The following ASH2L variants were observed in gnomAD, a reference collection of about 807,000 sequenced individuals.
ASH2L encodes the protein set1/Ash2 histone methyltransferase complex subunit ASH2.
In ASH2L, 30 loss-of-function variants were observed where a neutral mutation model predicts 81.1. That is an observed-to-expected ratio of 0.37 (90% CI 0.28 to 0.50). The LOEUF (loss-of-function observed/expected upper bound fraction) is 0.50. Ranked by LOEUF, ASH2L falls within the 20% of genes least tolerant of loss-of-function variation. ASH2L has a pLI of 0.95. For missense variants in ASH2L, 559 were observed against 792.1 expected (o/e 0.71, Z 3.53); for synonymous variants, 273 against 279.9 (o/e 0.98, Z 0.24).
intron 1 of ASH2L, chr8:38,106,126 C>T (rs1397645158): frequency 1.3e-6 from 2 of 1,528,066 alleles, no homozygotes; most frequent in Non-Finnish European, 1.8e-6. Context: ...CTCCCAGGAC[C>T]AACTCTAACC....
Position 38,110,886 on chromosome 8 carries a change from T to A in ASH2L, c.585+53T>A, listed in dbSNP as rs866298083. ...TTATATTGAAGAGTTAGGTGGAACT[T>A]CTAAATATACTCCCTAACAAGTACT... On this transcript the variant is annotated intron_variant, in intron 5 of 15. Coordinates refer to ENST00000343823, the MANE Select transcript of ASH2L (RefSeq NM_004674.5). 10 of 1,406,482 alleles carry A rather than the reference T, an allele frequency of 7.1e-6. 2 individuals are homozygous for A. In the Middle Eastern group the frequency reaches 1.8e-3, roughly 246 times the overall value. 87.1% of individuals were successfully genotyped at this position (1,406,482 alleles called of 1,614,324 possible).
chr8:38,135,875 G>T, intron 14 of ASH2L, 109 bp downstream of exon 14: 1 of 736,086 alleles, frequency 1.4e-6, no homozygotes, highest in Non-Finnish European at 2.3e-6. Context: ...CCTCAGAGTG[G>T]CATGCGCATG....
chr8:38,121,037 C>T lies in ASH2L; in HGVS notation c.1053C>T (p.His351=), dbSNP rs754460992. ...ATATTCTAGCTGAGCCTGATCCGCA[C>T]GCCCCTGACCCCGAGAAGCTGGAAC... ...YRYILAEPDP[H]APDPEKLELD... The change falls in exon 10 of 16, where the codon CAC becomes CAT. Residue 351 remains histidine, a synonymous_variant. Coordinates refer to ENST00000343823, the MANE Select transcript of ASH2L (RefSeq NM_004674.5). 29 of 1,613,598 alleles carry T rather than the reference C, an allele frequency of 1.8e-5. No individual in the cohort carries two copies. The highest frequency in any genetic ancestry group is 4.0e-5 in the African/African-American group (3 of 74,802).
Position 38,139,160 on chromosome 8 carries a change from A to C in ASH2L, c.*89A>C, listed in dbSNP as rs771418764. 1 of 1,067,822 alleles carries C rather than the reference A, an allele frequency of 9.4e-7. No individual in the cohort carries two copies. The highest frequency in any genetic ancestry group is 1.3e-6 in the Non-Finnish European group (1 of 755,390). The allele number at this position is 1,067,822 out of a possible 1,614,324, so 66.1% of individuals were successfully genotyped here. A position where few individuals can be genotyped will look rare whatever the true frequency, so the allele number is the denominator to read the frequency against. On this transcript the variant is annotated 3_prime_UTR_variant, in exon 16 of 16. Coordinates refer to ENST00000343823, the MANE Select transcript of ASH2L (RefSeq NM_004674.5). ...TGAACTGTCTCAAATGTTCTCCCAA[A>C]GATGCTAAAAACACAGCCTCTCCTT...
intron 3 of ASH2L, among the ~76,000 whole-genome samples, chr8:38,109,086 G>A (rs1036600436): frequency 2.0e-5 from 3 of 151,998 alleles, no homozygotes; most frequent in Non-Finnish European, 2.9e-5. Flanking sequence ...TCTCAAAAAA[G>A]AAAAGAAAAA....
rs200402113 is a variant in ASH2L at position 38,110,329 on chromosome 8, G to C, written c.402-50G>C. On this transcript the variant is annotated intron_variant, in intron 3 of 15. Transcript: ENST00000343823. ...CCTGTCTTTAAAAAAAGAAAAAGAA[G>C]TGTGTGTGTTCACAAGTTCACTAAT... 2,318 of 1,371,990 alleles carry C rather than the reference G, an allele frequency of 1.7e-3. 4 individuals are homozygous for C. Among genetic ancestry groups the C allele is most frequent in the Non-Finnish European group, 2.2e-3 (2,132 of 959,694 alleles). 85.0% of individuals were successfully genotyped at this position (1,371,990 alleles called of 1,614,324 possible).
rs149680046 is a variant in ASH2L, at chr8:38,110,789, C to G, written c.541C>G (p.Arg181Gly). Residue 181 changes from arginine to glycine, a missense_variant, in exon 5 of 16, where the codon CGA (arginine) becomes GGA (glycine). Coordinates refer to ENST00000343823, the MANE Select transcript of ASH2L (RefSeq NM_004674.5). Reference sequence around the variant, plus strand: ...TTTGGCCAACCTGACATGGCAGTCCCGAACACAGGATGAACATCCGAAGAC... The same window carrying G: ...TTTGGCCAACCTGACATGGCAGTCCGGAACACAGGATGAACATCCGAAGAC... ...SALANLTWQSRTQDEHPKTMF... is the reference protein window; with the variant it reads ...SALANLTWQSGTQDEHPKTMF... 1.9e-6 allele frequency: 3 copies of G among 1,613,870 alleles called. No homozygotes were observed. Among genetic ancestry groups the G allele is most frequent in the Non-Finnish European group, 2.5e-6 (3 of 1,179,950 alleles).
At chr8:38,136,727 G>T (rs1307532368) in intron 14 of ASH2L, among the ~76,000 whole-genome samples, 1 of 150,454 alleles carries the variant, frequency 6.6e-6, no homozygotes, top group African/African-American at 2.4e-5. Flanking sequence ...ATGAGCTGAG[G>T]TCGTGCCACT....
chr8:38,125,625 G>A (rs554785213), intron 10 of ASH2L, among the ~76,000 whole-genome samples: 1 of 145,088 alleles, frequency 6.9e-6, no homozygotes, highest in South Asian at 2.2e-4. Context: ...AAAAAAAAAT[G>A]CAGATATTTT....
Position 38,119,446 on chromosome 8 carries a change from A to C in ASH2L, c.947+83A>C, listed in dbSNP as rs1585581752. ...AAGTCCAGCAGAGGGAAGAGAGTTC[A>C]AGGGTCGGAGGTTAAAAAGCCTGTC... On this transcript the variant is annotated intron_variant, in intron 9 of 15. Transcript: ENST00000343823. The C allele has an allele frequency of 2.5e-5, 29 of 1,177,170 alleles. 1 individual carries two copies. In the East Asian group the frequency reaches 3.1e-4, roughly 13 times the overall value. 72.9% of individuals were successfully genotyped at this position (1,177,170 alleles called of 1,614,324 possible).
Position 38,110,465 on chromosome 8 carries a change from C to G in ASH2L, c.488C>G (p.Ala163Gly). The change falls in exon 4 of 16, where the codon GCA (alanine) becomes GGA (glycine). Residue 163 changes from alanine to glycine, a missense_variant and splice_region_variant. Physicochemically the swap from Ala to Gly is moderately conservative, Grantham distance 60. Transcript: ENST00000343823. ...AATACCTATTTCCTCCGGAAGCAAGCAAGTAAGAACAAACTCTGGAGTATT... is the reference window on the plus strand; with the variant it reads ...AATACCTATTTCCTCCGGAAGCAAGGAAGTAAGAACAAACTCTGGAGTATT... ...SGNTYFLRKQ[A>G]NLKEMCLSAL... is the part of the protein sequence containing the mutation. The G allele has an allele frequency of 6.2e-7, 1 of 1,609,756 alleles. No homozygotes were observed. The highest frequency in any genetic ancestry group is 8.5e-7 in the Non-Finnish European group (1 of 1,176,166).
At chr8:38,137,420 G>C (rs370170149) in intron 14 of ASH2L, 1 of 151,124 alleles carries the variant, frequency 6.6e-6, no homozygotes, top group South Asian at 2.1e-4. Flanking sequence ...AAAAAAAGCT[G>C]GGCCTGGTGG....
At chr8:38,128,241 C>A (rs1277298933) in intron 10 of ASH2L, 50 bp from the exon 11 acceptor site, 4 of 1,607,162 alleles carry the variant, frequency 2.5e-6, no homozygotes, top group Admixed American at 1.7e-5. Context: ...CAATTGTCCC[C>A]AAGAACCTCA....
intron 10 of ASH2L, among the ~76,000 whole-genome samples, chr8:38,123,742 A>G (rs2517390): frequency 0.9 from 137,626 of 152,156 alleles, 62,887 homozygotes; most frequent in Non-Finnish European, 0.99. Context: ...TTTTTCCACC[A>G]TCTTCCCACT....
chr8:38,108,722 G>A (rs1563249794), intron 3 of ASH2L, among the ~76,000 whole-genome samples: 1 of 152,044 alleles, frequency 6.6e-6, no homozygotes, highest in African/African-American at 2.4e-5. Flanking sequence ...TCGGGAGGCA[G>A]GAAAATCACT....
rs546336193 is a variant in ASH2L, at chr8:38,112,748, G to C, written c.586-1444G>C. 4.6e-5 allele frequency among the ~76,000 whole-genome samples: 7 copies of C among 152,282 alleles called. No individual in the cohort carries two copies. In the South Asian group the frequency reaches 1.2e-3, roughly 27 times the overall value. ...TCCTTAAGCCATACATGGAGATTATGTGAGTACTTTATTTTCCTACTCCTT... is the reference window on the plus strand; with the variant it reads ...TCCTTAAGCCATACATGGAGATTATCTGAGTACTTTATTTTCCTACTCCTT... On this transcript the variant is annotated intron_variant, in intron 5 of 15. Transcript: ENST00000343823.
rs754301632 is a variant in ASH2L, at chr8:38,107,068, C to T, written c.303C>T (p.Ser101=). ...AGGTGATGGATACTCAGGCGGGCTC[C>T]GTGGATGAAGAGAATGGCCGACAGT... ...TSEVMDTQAG[S]VDEENGRQLG... is the part of the protein sequence containing the mutation. The change falls in exon 3 of 16, where the codon TCC becomes TCT. Residue 101 remains serine, a synonymous_variant. Coordinates refer to ENST00000343823, the MANE Select transcript of ASH2L (RefSeq NM_004674.5). 12 of 1,614,022 alleles carry T rather than the reference C, an allele frequency of 7.4e-6. No homozygotes were observed. In the East Asian group the frequency reaches 2.5e-4, roughly 33 times the overall value.
chr8:38,116,239 A>G (rs1585576452), intron 7 of ASH2L, among the ~76,000 whole-genome samples: 1 of 151,976 alleles, frequency 6.6e-6, no homozygotes, highest in Admixed American at 6.6e-5. Flanking sequence ...GGCAGCAGGC[A>G]CCTCTAATCC....
intron 10 of ASH2L, among the ~76,000 whole-genome samples, chr8:38,122,829 A>G (rs1196151149): frequency 2.6e-5 from 4 of 151,968 alleles, no homozygotes; most frequent in African/African-American, 9.7e-5. Flanking sequence ...CTGCAGCCTC[A>G]ACCTCCTGGG....
Sources: gnomAD v4.1 joint callset for allele counts (sites outside exome capture counted in the v4.1 genomes callset) on GRCh38, gnomAD v4.1.1 for gene constraint, MANE v1.5 for transcripts, NCBI Gene and HGNC (gene_info 2026-07-23, HGNC 2026-07-21) for gene names.